The following NENF variants were observed in gnomAD, a reference collection of about 807,000 sequenced individuals.
NENF encodes neudesin neurotrophic factor.
Under a neutral mutation model 14.8 loss-of-function variants are expected in NENF, and 6 were observed. That is an observed-to-expected ratio of 0.40 (90% CI 0.22 to 0.80). The LOEUF is 0.80. Among genes scored for constraint, NENF ranks in the 30% least tolerant of loss-of-function variants. The pLI, the probability that NENF is intolerant of heterozygous loss-of-function variation, is 0.34. For missense variants in NENF, 184 were observed against 212.7 expected (o/e 0.87, Z 0.84); for synonymous variants, 76 against 95.1 (o/e 0.80, Z 1.17).
At chr1:212,444,479 C>T in intron 3 of NENF, 37 bp downstream of exon 3, 1 of 1,421,718 alleles carries the variant, frequency 7.0e-7, no homozygotes, top group Non-Finnish European at 9.7e-7. Flanking sequence ...AATCCTCTAC[C>T]TCCTTGTCCA....
At chr1:212,444,483 T>C in intron 3 of NENF, 41 bp downstream of exon 3, 2 of 1,366,454 alleles carry the variant, frequency 1.5e-6, no homozygotes, top group African/African-American at 1.5e-5. Flanking sequence ...CTCTACCTCC[T>C]TGTCCATGCC....
Position 212,446,017 on chromosome 1 carries a change from G to T in NENF, c.*11G>T. ...AAGGATGAGTTCTGATGTTCCCCCTGCAGGAGCAGGTTCTTGGGAGCGTGA... is the reference window on the plus strand; with the variant it reads ...AAGGATGAGTTCTGATGTTCCCCCTTCAGGAGCAGGTTCTTGGGAGCGTGA... On this transcript the variant is annotated 3_prime_UTR_variant, in exon 4 of 4. Transcript: ENST00000366988. 6.2e-7 allele frequency: 1 copy of T among 1,613,968 alleles called. No homozygotes were observed. The highest frequency in any genetic ancestry group is 8.5e-7 in the Non-Finnish European group (1 of 1,179,880).
At position 212,433,848 on chromosome 1, in the gene NENF, G is replaced by C. The variant is rs1380385649; in HGVS notation, c.177+728G>C. Among the ~76,000 whole-genome samples, 3 of 152,160 alleles carry C rather than the reference G, an allele frequency of 2.0e-5. No homozygotes were observed. Among genetic ancestry groups the C allele is most frequent in the Non-Finnish European group, 4.4e-5 (3 of 68,048 alleles). On this transcript the variant is annotated intron_variant, in intron 1 of 3. Coordinates refer to ENST00000366988, the MANE Select transcript of NENF (RefSeq NM_013349.5). The surrounding 1 kb of genome is among the most constrained non-coding windows in gnomAD (Gnocchi z 5.5). ...GGTTGGGACTGGAGCCGCACGACAA[G>C]GACCAACAGGGGGCTGATATTAGAT...
In NENF at chr1:212,446,008, G is replaced by A; in HGVS notation, c.*2G>A. 1 of 1,614,068 alleles carries A rather than the reference G, an allele frequency of 6.2e-7. No homozygotes were observed. On this transcript the variant is annotated 3_prime_UTR_variant, in exon 4 of 4. Coordinates refer to ENST00000366988, the MANE Select transcript of NENF (RefSeq NM_013349.5). ...TTTGACATCAAGGATGAGTTCTGAT[G>A]TTCCCCCTGCAGGAGCAGGTTCTTG...
chr1:212,439,084 T>C (rs977596805), intron 1 of NENF, among the ~76,000 whole-genome samples: 4 of 152,156 alleles, frequency 2.6e-5, no homozygotes, highest in African/African-American at 9.7e-5. Flanking sequence ...TGTTTACTGA[T>C]AAGACCATTC....
intron 1 of NENF, chr1:212,435,124 A>G (rs1662582854): frequency 6.6e-6 from 1 of 152,226 alleles, no homozygotes; most frequent in Non-Finnish European, 1.5e-5. Flanking sequence ...TTTGTATAAT[A>G]CATTGGATCA....
At chr1:212,443,739 G>A (rs986258939) in intron 2 of NENF, among the ~76,000 whole-genome samples, 8 of 151,986 alleles carry the variant, frequency 5.3e-5, no homozygotes, top group African/African-American at 1.9e-4. Context: ...TAACACTTAG[G>A]TGAAAAAACA....
chr1:212,441,615 T>C (rs1203590191), intron 1 of NENF, among the ~76,000 whole-genome samples: 1 of 152,064 alleles, frequency 6.6e-6, no homozygotes, highest in African/African-American at 2.4e-5. Context: ...TGAAACCCCA[T>C]CTCTACTAAA....
At position 212,440,251 on chromosome 1, in the gene NENF, C is replaced by CAAAAAAAAAA. The variant is rs371489983; in HGVS notation, c.178-2308_178-2299dup. ...TGGGTGACAGAGTAAGACTCTGTCT[C>CAAAAAAAAAA]AAAAAAAAAAAAAAAGGAAAAAGAA... On this transcript the variant is annotated intron_variant, in intron 1 of 3. Coordinates refer to ENST00000366988, the MANE Select transcript of NENF (RefSeq NM_013349.5). 7.3e-4 allele frequency among the ~76,000 whole-genome samples: 63 copies of CAAAAAAAAAA among 86,856 alleles called. 1 individual carries two copies. Among genetic ancestry groups the CAAAAAAAAAA allele is most frequent in the East Asian group, 2.6e-3 (7 of 2,698 alleles). 57.0% of individuals were successfully genotyped at this position (86,856 alleles called of 152,430 possible). A position where few individuals can be genotyped will look rare whatever the true frequency, so the allele number is the denominator to read the frequency against.
chr1:212,443,608 T>A (rs1472845480), intron 2 of NENF, among the ~76,000 whole-genome samples: 2 of 152,050 alleles, frequency 1.3e-5, no homozygotes, highest in African/African-American at 4.8e-5. Context: ...CAGGCTGATC[T>A]TGAACTCCTG....
chr1:212,436,577 G>A (rs927377582), intron 1 of NENF, among the ~76,000 whole-genome samples: 4 of 152,046 alleles, frequency 2.6e-5, no homozygotes, highest in African/African-American at 9.7e-5. Flanking sequence ...CAAAGTACTG[G>A]GATTACAGGC....
intron 2 of NENF, among the ~76,000 whole-genome samples, chr1:212,443,723 C>T (rs113191265): frequency 0.012 from 1,892 of 152,194 alleles, 45 homozygotes; most frequent in African/African-American, 0.043. Context: ...ACTATTTTCT[C>T]AGTATTAACA....
intron 1 of NENF, among the ~76,000 whole-genome samples, chr1:212,435,986 TAAAG>T (rs917285316): frequency 1.3e-5 from 2 of 152,118 alleles, no homozygotes; most frequent in African/African-American, 2.4e-5. Flanking sequence ...AAGAAAATCA[TAAAG>T]AAGAGAAAAT....
chr1:212,442,422 G>A (rs1345045668), intron 1 of NENF, 143 bp from the exon 2 acceptor site: 8 of 663,518 alleles, frequency 1.2e-5, no homozygotes, highest in South Asian at 3.6e-5. Flanking sequence ...TGGCAAGCTC[G>A]CCAAGGACCA....
chr1:212,444,264 C>T (rs959649010), intron 2 of NENF, 75 bp from the exon 3 acceptor site: 32 of 917,024 alleles, frequency 3.5e-5, no homozygotes, highest in African/African-American at 2.4e-4. Context: ...GCCTTGGGAG[C>T]GCCCCCACGT....
chr1:212,444,314 G>T (rs1434927457), intron 2 of NENF, 25 bp from the exon 3 acceptor site: 2 of 1,522,956 alleles, frequency 1.3e-6, no homozygotes, highest in South Asian at 1.2e-5. Flanking sequence ...CCACGCTTAC[G>T]TCTCTTCCTT....
intron 1 of NENF, among the ~76,000 whole-genome samples, chr1:212,438,365 C>G (rs933276067): frequency 6.6e-6 from 1 of 152,094 alleles, no homozygotes; most frequent in Non-Finnish European, 1.5e-5. Context: ...GAAGAATTGC[C>G]CTAGGAAGGG....
At chr1:212,438,898 C>T (rs1183310759) in intron 1 of NENF, among the ~76,000 whole-genome samples, 2 of 152,078 alleles carry the variant, frequency 1.3e-5, no homozygotes, top group East Asian at 3.8e-4. Flanking sequence ...AGCCACCATG[C>T]CTGGCTGTTT....
intron 3 of NENF, among the ~76,000 whole-genome samples, chr1:212,445,174 G>A (rs991714155): frequency 9.2e-5 from 14 of 151,760 alleles, no homozygotes; most frequent in African/African-American, 2.9e-4. Flanking sequence ...AGAATCGCTC[G>A]AATCCAGGGG....
Sources: gnomAD v4.1 joint callset for allele counts (sites outside exome capture counted in the v4.1 genomes callset) on GRCh38, gnomAD v4.1.1 for gene constraint, Gnocchi (gnomAD v3.1) non-coding constraint, MANE v1.5 for transcripts, NCBI Gene and HGNC (gene_info 2026-07-23, HGNC 2026-07-21) for gene names.